FUS: variants seen among roughly 807,000 people sequenced by gnomAD.
The protein encoded by FUS is FUS RNA binding protein.
FUS carries 5 observed loss-of-function variants against 82.7 expected under a neutral mutation model. That is an observed-to-expected ratio of 0.06 (90% confidence interval 0.03 to 0.13). FUS has a LOEUF of 0.13. Ranked by LOEUF, FUS falls within the 10% of genes least tolerant of loss-of-function variation. The probability of loss-of-function intolerance (pLI) is 1.00; values close to 1 mark genes in which losing one functional copy is unlikely to be tolerated. For missense variants in FUS, 512 were observed against 707.8 expected (o/e 0.72, Z 3.14); for synonymous variants, 281 against 247.4 (o/e 1.14, Z -1.27).
rs773441854 is a variant in FUS at position 31,191,070 on chromosome 16, G to A, written c.1501G>A (p.Gly501Arg). The change falls in exon 14 of 15, where the codon GGG becomes AGG. Residue 501 changes from glycine to arginine, a missense_variant. Coordinates refer to ENST00000254108, the MANE Select transcript of FUS (RefSeq NM_004960.4). ...AGGCTTCCGAGGGGGCCGGGGTGGT[G>A]GGGACAGAGGTGGCTTTGGCCCTGG... ...RGGFRGGRGG[G>R]DRGGFGPGKM... 1.2e-6 allele frequency: 2 copies of A among 1,613,202 alleles called. No homozygotes were observed. Among genetic ancestry groups the A allele is most frequent in the Non-Finnish European group, 1.7e-6 (2 of 1,180,004 alleles).
At chr16:31,181,823 T>A (rs966612072) in intron 1 of FUS, among the ~76,000 whole-genome samples, 1 of 152,202 alleles carries the variant, frequency 6.6e-6, no homozygotes, top group Non-Finnish European at 1.5e-5. Flanking sequence ...CAGAAAATTG[T>A]GGATGTCCAC....
chr16:31,188,921 C>T (rs1407831286), intron 8 of FUS: 2 of 607,614 alleles, frequency 3.3e-6, no homozygotes, highest in East Asian at 2.8e-5. Flanking sequence ...TAACATGTTT[C>T]AAAGGATAAT....
At chr16:31,191,857 T>C (rs1488443292), downstream of FUS, 1 of 549,376 alleles carries the variant, frequency 1.8e-6, no homozygotes, top group South Asian at 1.5e-5. Flanking sequence ...TGGGGAATTT[T>C]TCCTTTACCA....
intron 6 of FUS, chr16:31,185,702 G>T (rs2079259392): frequency 2.4e-6 from 1 of 416,166 alleles, no homozygotes; most frequent in African/African-American, 2.0e-5. Flanking sequence ...TTGATTTTGT[G>T]TGTGACTTGG....
downstream of FUS, chr16:31,191,895 A>G (rs184638686): frequency 9.8e-5 from 53 of 538,422 alleles, 1 homozygote; most frequent in East Asian, 1.9e-3. Context: ...GTCTTAGTTT[A>G]TTTGCAGCAG....
At chr16:31,192,451 A>G (rs1434286128), downstream of FUS, 2 of 521,368 alleles carry the variant, frequency 3.8e-6, no homozygotes, top group Non-Finnish European at 7.5e-6. Flanking sequence ...AAGAGCAGAA[A>G]GGTTTTATTT....
Position 31,185,081 on chromosome 16 carries a change from TGGCGGCGGCGGCGGC to T in FUS, c.672_686del (p.Gly227_Gly231del). On this transcript the variant is annotated inframe_deletion, in exon 6 of 15. Transcript: ENST00000254108. ...GAGGCCGCGGCAGGGGTGGCAGTGG[TGGCGGCGGCGGCGGC>T]GGCGGTGGTGGTTACAACCGCAGCA... 2 of 1,607,558 alleles carry T rather than the reference TGGCGGCGGCGGCGGC, an allele frequency of 1.2e-6. No homozygotes were observed. The highest frequency in any genetic ancestry group is 1.1e-5 in the South Asian group (1 of 90,758).
At chr16:31,186,709 A>G (rs1219674049) in intron 6 of FUS, 93 bp from the exon 7 acceptor site, 1 of 1,204,734 alleles carries the variant, frequency 8.3e-7, no homozygotes, top group Non-Finnish European at 1.2e-6. Context: ...AAAAACACCT[A>G]CCCATGTTTG....
At position 31,183,913 on chromosome 16, in the gene FUS, CAGT is replaced by C. The variant is rs1567470903; in HGVS notation, c.249_251del (p.Ser84del). ...GATATGGCTCGACTGGCGGCTATGG[CAGT>C]AGCCAGAGCTCCCAATCGTCTTACG... On this transcript the variant is annotated inframe_deletion, in exon 4 of 15. Transcript: ENST00000254108. 1 of 1,614,126 alleles carries C rather than the reference CAGT, an allele frequency of 6.2e-7. No individual in the cohort carries two copies.
intron 7 of FUS, chr16:31,187,218 TGTGTGTGA>T (rs1187259685): frequency 5.6e-6 from 2 of 354,948 alleles, no homozygotes; most frequent in Non-Finnish European, 1.1e-5. Context: ...AAGGCTTGTG[TGTGTGTGA>T]GTGTGTGGGA....
intron 1 of FUS, among the ~76,000 whole-genome samples, chr16:31,180,651 C>T (rs1005162357): frequency 1.3e-5 from 2 of 152,224 alleles, no homozygotes; most frequent in Non-Finnish European, 2.9e-5. Context: ...GGCGCGGGTA[C>T]CCCTTCCCCG....
At chr16:31,184,505 A>G in intron 5 of FUS, 109 bp downstream of exon 5, 3 of 1,093,240 alleles carry the variant, frequency 2.7e-6, no homozygotes, top group Non-Finnish European at 4.0e-6. Context: ...GTGCAGTGGC[A>G]CAATCTCGGC....
At chr16:31,190,527 A>G in intron 12 of FUS, 129 bp downstream of exon 12, 1 of 1,438,636 alleles carries the variant, frequency 7.0e-7, no homozygotes. Context: ...AGATTTAGCC[A>G]AAAGCTTACC....
In FUS at chr16:31,189,707, G is replaced by T. The variant is rs775757526; in HGVS notation, c.979G>T (p.Asp327Tyr). The T allele has an allele frequency of 6.2e-7, 1 of 1,614,200 alleles. No homozygotes were observed. ...ACAGCCCATGATTAATTTGTACACA[G>T]ACAGGGAAACTGGCAAGCTGAAGGG... The part of the protein sequence containing the change: ...TGQPMINLYT[D>Y]RETGKLKGEA... Residue 327 changes from aspartate (D) to tyrosine (Y), a missense_variant, in exon 10 of 15, where the codon GAC (aspartate) becomes TAC (tyrosine). Coordinates refer to ENST00000254108, the MANE Select transcript of FUS (RefSeq NM_004960.4).
intron 3 of FUS, 197 bp from the exon 4 acceptor site, chr16:31,183,661 A>G (rs2079214568): frequency 4.6e-6 from 3 of 656,420 alleles, no homozygotes; most frequent in Non-Finnish European, 8.1e-6. Flanking sequence ...GAACTGTACT[A>G]AAGAGTTGGT....
At chr16:31,185,378 C>A in intron 6 of FUS, 199 bp downstream of exon 6, 1 of 647,170 alleles carries the variant, frequency 1.5e-6, no homozygotes, top group Non-Finnish European at 2.7e-6. Context: ...GAACTCCCAT[C>A]CATACCACTG....
At chr16:31,191,642 A>T, downstream of FUS, 1 of 710,862 alleles carries the variant, frequency 1.4e-6, no homozygotes, top group Non-Finnish European at 2.5e-6. Flanking sequence ...TTCCTGGAAG[A>T]TCGATGTCCC....
chr16:31,186,523 C>A, intron 6 of FUS: 2 of 522,752 alleles, frequency 3.8e-6, no homozygotes, highest in Non-Finnish European at 6.9e-6. Flanking sequence ...ATCGGAAGAA[C>A]GACCAAGGAA....
Position 31,184,224 on chromosome 16 carries a change from T to A in FUS, c.351T>A (p.Ser117=), listed in dbSNP as rs774389930. Residue 117 remains serine, a synonymous_variant, in exon 5 of 15, where the codon TCT becomes TCA. Transcript: ENST00000254108. ...TTTTCCCTAGTTACGGTAGCAGTTC[T>A]CAGAGCAGCAGCTATGGGCAGCCCC... The part of the protein sequence containing the change: ...SSTSGSYGSS[S]QSSSYGQPQS... 1 of 1,614,140 alleles carries A rather than the reference T, an allele frequency of 6.2e-7. No individual in the cohort carries two copies. Among genetic ancestry groups the A allele is most frequent in the Non-Finnish European group, 8.5e-7 (1 of 1,180,004 alleles).
Sources: allele counts gnomAD v4.1 joint callset (sites outside exome capture counted in the v4.1 genomes callset), GRCh38; gene constraint gnomAD v4.1.1; transcripts MANE v1.5; gene names NCBI Gene and HGNC (gene_info 2026-07-23, HGNC 2026-07-21).